SAMD8: variants seen among roughly 807,000 people sequenced by gnomAD.
SAMD8 encodes the protein sphingomyelin synthase-related protein 1.
In SAMD8, 20 loss-of-function variants were observed where a neutral mutation model predicts 42.0. That is an observed-to-expected ratio of 0.48 (90% CI 0.34 to 0.69). The LOEUF (loss-of-function observed/expected upper bound fraction) is 0.69, where lower values mean the gene tolerates loss of function less well. SAMD8 is among the 30% of genes least tolerant of loss of function. The pLI is 0.01. For synonymous variants in SAMD8, 162 were observed against 173.0 expected (o/e 0.94, Z 0.50); for missense variants, 328 against 511.6 (o/e 0.64, Z 3.46).
chr10:75,147,473 C>T (rs1357230430), intron 1 of SAMD8, among the ~76,000 whole-genome samples: 1 of 152,098 alleles, frequency 6.6e-6, no homozygotes, highest in African/African-American at 2.4e-5. Flanking sequence ...TTACAGGCGC[C>T]CGCCACCATG....
In SAMD8 at chr10:75,178,472, G is replaced by A. The variant is rs1841026767; in HGVS notation, c.*1780G>A. ...CCTTCAGGTAAAAAGATATGTTACTGTTATTTTTCTACGTGACAGAACAGA... is the reference window on the plus strand; with the variant it reads ...CCTTCAGGTAAAAAGATATGTTACTATTATTTTTCTACGTGACAGAACAGA... On this transcript the variant is annotated 3_prime_UTR_variant, in exon 6 of 6. Transcript: ENST00000542569. The A allele has an allele frequency of 6.6e-6, 1 of 152,192 alleles. No homozygotes were observed. The highest frequency in any genetic ancestry group is 1.5e-5 in the Non-Finnish European group (1 of 68,034). The allele number at this position is 152,192 out of a possible 1,614,324, so 9.4% of individuals were successfully genotyped here. A position where few individuals can be genotyped will look rare whatever the true frequency, so the allele number is the denominator to read the frequency against.
At chr10:75,172,415 G>A (rs1354711228) in intron 4 of SAMD8, among the ~76,000 whole-genome samples, 2 of 151,918 alleles carry the variant, frequency 1.3e-5, no homozygotes, top group Non-Finnish European at 2.9e-5. Context: ...CTCACTGTCA[G>A]CCTAAAATTC....
At chr10:75,131,889 G>A (rs1849281425) in intron 1 of SAMD8, among the ~76,000 whole-genome samples, 1 of 152,166 alleles carries the variant, frequency 6.6e-6, no homozygotes, top group Non-Finnish European at 1.5e-5. Flanking sequence ...TTAGAATCAC[G>A]TGGGGAGCTT....
At chr10:75,160,255 G>A (rs901506506) in intron 2 of SAMD8, among the ~76,000 whole-genome samples, 17 of 151,910 alleles carry the variant, frequency 1.1e-4, no homozygotes, top group African/African-American at 4.1e-4. Context: ...GGAGTGCAGT[G>A]GCGCGATCTC....
chr10:75,158,759 A>C lies in SAMD8; in HGVS notation c.579-5886A>C, dbSNP rs143485672. Among the ~76,000 whole-genome samples, 246 of 152,236 alleles carry C rather than the reference A, an allele frequency of 1.6e-3. 2 individuals are homozygous for C. The Middle Eastern group carries it at 0.024, about 15-fold the overall frequency. ...TTTCTCCAGACCCTAGCAACCACTA[A>C]TCTACTTTGTTTCTATGAATTTGTC... On this transcript the variant is annotated intron_variant, in intron 2 of 5. Transcript: ENST00000542569.
At chr10:75,130,161 A>G (rs1292764685) in intron 1 of SAMD8, among the ~76,000 whole-genome samples, 1 of 152,064 alleles carries the variant, frequency 6.6e-6, no homozygotes, top group Non-Finnish European at 1.5e-5. Flanking sequence ...TTTATATTAA[A>G]CAGTTAAGAA....
At chr10:75,102,772 G>A (rs958719761) in intron 1 of SAMD8, among the ~76,000 whole-genome samples, 2 of 152,132 alleles carry the variant, frequency 1.3e-5, no homozygotes. Flanking sequence ...GACTAACATG[G>A]AGAAAACCTG....
Position 75,151,000 on chromosome 10 carries a change from T to C in SAMD8, c.472T>C (p.Tyr158His). 6.2e-7 allele frequency: 1 copy of C among 1,609,722 alleles called. No individual in the cohort carries two copies. Among genetic ancestry groups the C allele is most frequent in the Non-Finnish European group, 8.5e-7 (1 of 1,178,654 alleles). ...CTGGAAGACTATACTGAGTTGTATA[T>C]ATGTTTTTATAGTATTTGGATTTAC... The part of the protein sequence containing the change: ...EYWKTILSCI[Y>H]VFIVFGFTSF... Residue 158 changes from tyrosine (Y) to histidine (H), a missense_variant, in exon 2 of 6, where the codon TAT becomes CAT. Transcript: ENST00000542569.
At chr10:75,175,865 C>G in intron 4 of SAMD8, 1 of 985,146 alleles carries the variant, frequency 1.0e-6, no homozygotes, top group Non-Finnish European at 1.2e-6. Context: ...CATTTAATTA[C>G]CAAAATATTT....
chr10:75,140,198 G>T (rs1031930912), intron 1 of SAMD8, among the ~76,000 whole-genome samples: 1 of 152,146 alleles, frequency 6.6e-6, no homozygotes, highest in East Asian at 1.9e-4. Context: ...AGAAGTCCCC[G>T]GGTTCAAGCA....
At chr10:75,131,148 G>A (rs1227664306) in intron 1 of SAMD8, among the ~76,000 whole-genome samples, 1 of 152,098 alleles carries the variant, frequency 6.6e-6, no homozygotes, top group Non-Finnish European at 1.5e-5. Context: ...ACCTGTAGTA[G>A]GTATTCATAA....
intron 2 of SAMD8, among the ~76,000 whole-genome samples, chr10:75,154,208 A>G (rs531285080): frequency 6.6e-6 from 1 of 152,318 alleles, no homozygotes; most frequent in East Asian, 1.9e-4. Flanking sequence ...AAATTAACCT[A>G]ATTATAAAAT....
At chr10:75,113,164 A>T (rs1848811630) in intron 1 of SAMD8, among the ~76,000 whole-genome samples, 1 of 152,256 alleles carries the variant, frequency 6.6e-6, no homozygotes, top group Non-Finnish European at 1.5e-5. Flanking sequence ...TAGAAGACAT[A>T]GTTCCAAAAC....
chr10:75,104,821 G>A (rs538235840), intron 1 of SAMD8, among the ~76,000 whole-genome samples: 58 of 152,162 alleles, frequency 3.8e-4, no homozygotes, highest in African/African-American at 1.1e-3. Flanking sequence ...GGAAGGGGTC[G>A]ATGCTGCTGA....
chr10:75,159,869 A>T (rs1840516316), intron 2 of SAMD8, among the ~76,000 whole-genome samples: 1 of 152,138 alleles, frequency 6.6e-6, no homozygotes, highest in African/African-American at 2.4e-5. Context: ...TTTCCCTGTA[A>T]TTGACTTTCA....
intron 1 of SAMD8, among the ~76,000 whole-genome samples, chr10:75,115,572 T>C (rs1354545606): frequency 6.6e-6 from 1 of 152,178 alleles, no homozygotes; most frequent in Non-Finnish European, 1.5e-5. Flanking sequence ...ATCTGAAGCC[T>C]AACCTTTAGC....
chr10:75,143,785 A>G lies in SAMD8; in HGVS notation c.-15-6729A>G, dbSNP rs1016066328. On this transcript the variant is annotated intron_variant, in intron 1 of 5. Coordinates refer to ENST00000542569, the MANE Select transcript of SAMD8 (RefSeq NM_001174156.2). ...TTGGAGTTTGTTAAGCTTCTTGGAT[A>G]CACATGTTTATGGTTTTCACCAAAT... 2.0e-5 allele frequency among the ~76,000 whole-genome samples: 3 copies of G among 152,070 alleles called. No homozygotes were observed. The East Asian group carries it at 5.8e-4, about 29-fold the overall frequency.
At chr10:75,104,256 G>GGTA (rs1848357795) in intron 1 of SAMD8, among the ~76,000 whole-genome samples, 1 of 152,180 alleles carries the variant, frequency 6.6e-6, no homozygotes, top group East Asian at 1.9e-4. Flanking sequence ...GAGATGAGGA[G>GGTA]GTAGATTTGG....
At chr10:75,123,057 C>T (rs1011356290) in intron 1 of SAMD8, among the ~76,000 whole-genome samples, 2 of 152,036 alleles carry the variant, frequency 1.3e-5, no homozygotes, top group Admixed American at 1.3e-4. Flanking sequence ...GATATTGGCC[C>T]TTCTACAGAC....
Sources: gnomAD v4.1 joint callset for allele counts (sites outside exome capture counted in the v4.1 genomes callset) on GRCh38, gnomAD v4.1.1 for gene constraint, MANE v1.5 for transcripts, NCBI Gene and HGNC (gene_info 2026-07-23, HGNC 2026-07-21) for gene names.